Variants in RELN observed in about 807,000 individuals in gnomAD.
The protein encoded by RELN is reelin.
RELN carries 108 observed loss-of-function variants against 427.6 expected under a neutral mutation model. That is an observed-to-expected ratio of 0.25 (90% CI 0.22 to 0.30). The LOEUF (loss-of-function observed/expected upper bound fraction) is 0.30. Ranked by LOEUF, RELN falls within the 10% of genes least tolerant of loss-of-function variation. The pLI is 1.00. For synonymous variants in RELN, 1,524 were observed against 1,513.4 expected (o/e 1.01, Z -0.16); for missense variants, 3,715 against 4,302.8 (o/e 0.86, Z 3.82).
intron 27 of RELN, among the ~76,000 whole-genome samples, chr7:103,593,456 C>T (rs1429930638): frequency 6.6e-6 from 1 of 152,084 alleles, no homozygotes; most frequent in African/African-American, 2.4e-5. Flanking sequence ...CCTTGAGTAC[C>T]TAAAGAAATG....
chr7:103,758,228 C>G (rs1365018499), intron 4 of RELN, among the ~76,000 whole-genome samples: 1 of 152,124 alleles, frequency 6.6e-6, no homozygotes, highest in African/African-American at 2.4e-5. Flanking sequence ...AAAGCTTGAT[C>G]AAGTTCAAGT....
intron 2 of RELN, among the ~76,000 whole-genome samples, chr7:103,912,433 C>G (rs778964797): frequency 6.6e-6 from 1 of 152,148 alleles, no homozygotes; most frequent in Non-Finnish European, 1.5e-5. Flanking sequence ...ATCTGCCCCA[C>G]TTGGCCTCCC....
At position 103,516,286 on chromosome 7, in the gene RELN, C is replaced by CTTT. The variant is rs3051646; in HGVS notation, c.7863-848_7863-846dup. Among the ~76,000 whole-genome samples the CTTT allele has an allele frequency of 1.7e-3, 243 of 141,162 alleles. 2 individuals are homozygous for CTTT. Among genetic ancestry groups the CTTT allele is most frequent in the Middle Eastern group, 7.5e-3 (2 of 268 alleles). The allele number at this position is 141,162 out of a possible 152,430, so 92.6% of individuals were successfully genotyped here. On this transcript the variant is annotated intron_variant, in intron 49 of 64. Coordinates refer to ENST00000428762, the MANE Select transcript of RELN (RefSeq NM_005045.4). ...ATTTACCATCCTCCTCACAAAGTAT[C>CTTT]TTTTTTTTTTTTTTTTGAGACAGAG...
chr7:103,973,027 A>G (rs1174616667), intron 1 of RELN, among the ~76,000 whole-genome samples: 1 of 152,212 alleles, frequency 6.6e-6, no homozygotes, highest in Non-Finnish European at 1.5e-5. Flanking sequence ...TTGTTTCACA[A>G]CAGAGAGTAT....
At position 103,603,403 on chromosome 7, in the gene RELN, G is replaced by A. The variant is rs1373897417; in HGVS notation, c.3234C>T (p.Gly1078=). The part of the protein sequence containing the change: ...TIMSDFENQN[G]WESDWQEVIG... ...TAACTTCTTGCCAGTCAGACTCCCA[G>A]CCATTCTGGTTCTCAAAATCTGACA... is the stretch of plus-strand genomic sequence containing the variant. The change falls in exon 24 of 65, where the codon GGC becomes GGT. Residue 1078 remains glycine (G), a synonymous_variant. Transcript: ENST00000428762. This position sits in a 1 kb window ranked among gnomAD's most constrained non-coding sequence, Gnocchi z 4.3. 1.2e-6 allele frequency: 2 copies of A among 1,613,672 alleles called. No individual in the cohort carries two copies. The highest frequency in any genetic ancestry group is 1.7e-6 in the Non-Finnish European group (2 of 1,179,792).
intron 7 of RELN, 69 bp from the exon 8 acceptor site, chr7:103,723,260 G>A (rs1179029434): frequency 1.1e-5 from 10 of 922,804 alleles, no homozygotes; most frequent in African/African-American, 3.3e-5. Context: ...ATGCTGGGAG[G>A]GGTACGGGGA....
At chr7:103,978,947 C>A (rs896857789) in intron 1 of RELN, among the ~76,000 whole-genome samples, 1 of 152,162 alleles carries the variant, frequency 6.6e-6, no homozygotes, top group African/African-American at 2.4e-5. Context: ...CTTAGCACAG[C>A]TCATCAGAGA....
chr7:103,939,103 C>A (rs768615562), intron 1 of RELN, among the ~76,000 whole-genome samples: 1 of 152,034 alleles, frequency 6.6e-6, no homozygotes, highest in Non-Finnish European at 1.5e-5. Context: ...CCCGCCACCA[C>A]GCCTGGCTAA....
chr7:103,863,539 T>C (rs558087675), intron 2 of RELN, among the ~76,000 whole-genome samples: 2 of 152,254 alleles, frequency 1.3e-5, no homozygotes, highest in South Asian at 4.1e-4. Context: ...ATCAGTTTTC[T>C]TAACCACATC....
chr7:103,619,111 A>AT (rs1243864504), intron 20 of RELN, among the ~76,000 whole-genome samples: 1 of 139,518 alleles, frequency 7.2e-6, no homozygotes, highest in Non-Finnish European at 1.5e-5. Flanking sequence ...TCCCTCTCAA[A>AT]TTAAAAAAAA....
intron 5 of RELN, among the ~76,000 whole-genome samples, chr7:103,752,707 G>A (rs1791035205): frequency 6.6e-6 from 1 of 152,124 alleles, no homozygotes; most frequent in South Asian, 2.1e-4. Context: ...GAGCCACCAT[G>A]CCCAGCTTCA....
chr7:103,768,917 C>T (rs576074049), intron 4 of RELN, among the ~76,000 whole-genome samples: 1 of 152,276 alleles, frequency 6.6e-6, no homozygotes, highest in Non-Finnish European at 1.5e-5. Context: ...CCTATATACA[C>T]TTTTTGGAGG....
At chr7:103,644,804 G>T (rs1459185331) in intron 16 of RELN, among the ~76,000 whole-genome samples, 1 of 151,602 alleles carries the variant, frequency 6.6e-6, no homozygotes, top group African/African-American at 2.4e-5. Flanking sequence ...TACATTGTAA[G>T]GATGTCACCA....
At chr7:103,817,660 T>C (rs1293508961) in intron 3 of RELN, among the ~76,000 whole-genome samples, 2 of 151,944 alleles carry the variant, frequency 1.3e-5, no homozygotes, top group Admixed American at 1.3e-4. Context: ...AAATAGACTA[T>C]AGAAGAAAAG....
At chr7:103,498,667 T>C (rs962950202) in intron 53 of RELN, among the ~76,000 whole-genome samples, 2 of 151,948 alleles carry the variant, frequency 1.3e-5, no homozygotes. Context: ...ATTTTTTGTA[T>C]TTTTCATAGA....
chr7:103,630,840 G>GTTTTTTTTTTTTTTTT (rs1265435565), intron 19 of RELN, among the ~76,000 whole-genome samples: 1 of 87,576 alleles, frequency 1.1e-5, no homozygotes, highest in African/African-American at 5.7e-5. Flanking sequence ...AAAGGGCTGA[G>GTTTTTTTTTTTTTTTT]TTATTTTTTT....
chr7:103,487,796 A>G (rs1471400854), intron 60 of RELN, among the ~76,000 whole-genome samples: 1 of 152,218 alleles, frequency 6.6e-6, no homozygotes, highest in African/African-American at 2.4e-5. Context: ...AGCAGTGTCT[A>G]TATTTTAACT....
intron 3 of RELN, among the ~76,000 whole-genome samples, chr7:103,788,809 C>G (rs1186302208): frequency 6.6e-6 from 1 of 152,028 alleles, no homozygotes; most frequent in African/African-American, 2.4e-5. Context: ...CTATTGACTT[C>G]CTTCACAGAA....
chr7:103,570,967 A>C (rs1234060553), intron 31 of RELN, among the ~76,000 whole-genome samples: 1 of 152,198 alleles, frequency 6.6e-6, no homozygotes, highest in Non-Finnish European at 1.5e-5. Context: ...ATTCTTAATA[A>C]ATATTTATTG....
Sources: allele counts gnomAD v4.1 joint callset (sites outside exome capture counted in the v4.1 genomes callset), GRCh38; gene constraint gnomAD v4.1.1; non-coding constraint Gnocchi (gnomAD v3.1); transcripts MANE v1.5; gene names NCBI Gene and HGNC (gene_info 2026-07-23, HGNC 2026-07-21).